Variants in TNIK observed in about 807,000 individuals in gnomAD.
TNIK encodes TRAF2 and NCK interacting kinase.
In TNIK, 49 loss-of-function variants were observed where a neutral mutation model predicts 191.3. The ratio of observed to expected loss-of-function variants is 0.26; its 90% CI spans 0.20 to 0.32. The LOEUF is 0.32. Among genes scored for constraint, TNIK ranks in the 10% least tolerant of loss-of-function variants. The pLI, the probability that TNIK is intolerant of heterozygous loss-of-function variation, is 1.00. For synonymous variants in TNIK, 594 were observed against 600.9 expected (o/e 0.99, Z 0.17); for missense variants, 1,155 against 1,702.3 (o/e 0.68, Z 5.66).
At chr3:171,260,631 G>A (rs557437131) in intron 2 of TNIK, among the ~76,000 whole-genome samples, 1 of 152,226 alleles carries the variant, frequency 6.6e-6, no homozygotes, top group Admixed American at 6.5e-5. Flanking sequence ...GAAAACAAGG[G>A]GTTTGAGCTC....
At chr3:171,130,871 A>G (rs1279387607) in intron 15 of TNIK, among the ~76,000 whole-genome samples, 1 of 152,226 alleles carries the variant, frequency 6.6e-6, no homozygotes, top group Non-Finnish European at 1.5e-5. Context: ...GCTCTAAAAT[A>G]CACTGATAGC....
At chr3:171,270,331 A>T (rs1748928120) in intron 2 of TNIK, among the ~76,000 whole-genome samples, 1 of 152,176 alleles carries the variant, frequency 6.6e-6, no homozygotes, top group South Asian at 2.1e-4. Context: ...ACCACTTAGG[A>T]AAAGGCTAGA....
intron 19 of TNIK, among the ~76,000 whole-genome samples, chr3:171,108,717 A>T (rs1293034157): frequency 6.6e-6 from 1 of 152,188 alleles, no homozygotes; most frequent in Admixed American, 6.5e-5. Flanking sequence ...GGGAAAAAAA[A>T]TTTATTTTAT....
Position 171,324,061 on chromosome 3 carries a change from C to T in TNIK, c.123+45559G>A, listed in dbSNP as rs74364175. Among the ~76,000 whole-genome samples the T allele has an allele frequency of 8.3e-3, 1,267 of 152,150 alleles. 23 individuals carry two copies. Among genetic ancestry groups the T allele is most frequent in the African/African-American group, 0.029 (1,207 of 41,498 alleles). On this transcript the variant is annotated intron_variant, in intron 2 of 32. Transcript: ENST00000436636. The stretch of plus-strand genomic sequence containing the variant: ...TAAAAAACAAAACGAAAACACCCTG[C>T]CCATGCTGCAATGTAATCCCAGTAG...
intron 18 of TNIK, among the ~76,000 whole-genome samples, chr3:171,112,139 G>A (rs1258990894): frequency 6.6e-6 from 1 of 152,148 alleles, no homozygotes; most frequent in Non-Finnish European, 1.5e-5. Flanking sequence ...ATTTCACAGT[G>A]TATACATATA....
At chr3:171,081,350 C>T (rs1720645760) in intron 27 of TNIK, among the ~76,000 whole-genome samples, 1 of 151,770 alleles carries the variant, frequency 6.6e-6, no homozygotes, top group Non-Finnish European at 1.5e-5. Context: ...ACCAGCATCC[C>T]TGTGTTGTCT....
chr3:171,264,351 CATATAT>C (rs1321971912), intron 2 of TNIK, among the ~76,000 whole-genome samples: 1 of 151,134 alleles, frequency 6.6e-6, no homozygotes. Context: ...CACACACACA[CATATAT>C]ATATATTTTA....
chr3:171,195,319 T>A (rs1738556150), intron 4 of TNIK, among the ~76,000 whole-genome samples: 1 of 152,212 alleles, frequency 6.6e-6, no homozygotes, highest in Non-Finnish European at 1.5e-5. Context: ...AAAAAAGCCA[T>A]CTATGTGCTT....
intron 2 of TNIK, among the ~76,000 whole-genome samples, chr3:171,337,445 T>C (rs1360339502): frequency 6.6e-6 from 1 of 152,150 alleles, no homozygotes; most frequent in Non-Finnish European, 1.5e-5. Flanking sequence ...GAAACAGTAA[T>C]ACTGGGCACT....
chr3:171,255,530 C>G (rs1746746999), intron 2 of TNIK, among the ~76,000 whole-genome samples: 1 of 152,192 alleles, frequency 6.6e-6, no homozygotes, highest in Admixed American at 6.5e-5. Context: ...AAGCATCTTG[C>G]AGAGGCAAAT....
At chr3:171,443,996 G>T (rs576801678) in intron 1 of TNIK, among the ~76,000 whole-genome samples, 1 of 151,944 alleles carries the variant, frequency 6.6e-6, no homozygotes. Context: ...TCTAACCATC[G>T]GTTTTTCCTT....
chr3:171,273,762 C>G (rs1442040344), intron 2 of TNIK, among the ~76,000 whole-genome samples: 1 of 152,046 alleles, frequency 6.6e-6, no homozygotes, highest in Non-Finnish European at 1.5e-5. Flanking sequence ...GTGAATAGAG[C>G]CTTAAGAAAG....
At chr3:171,308,520 G>C (rs1372197658) in intron 2 of TNIK, among the ~76,000 whole-genome samples, 4 of 152,098 alleles carry the variant, frequency 2.6e-5, no homozygotes, top group African/African-American at 4.8e-5. Context: ...TTATGACAAA[G>C]ATGCCAAAAG....
chr3:171,316,116 T>G (rs1416547750), intron 2 of TNIK, among the ~76,000 whole-genome samples: 1 of 152,092 alleles, frequency 6.6e-6, no homozygotes, highest in Non-Finnish European at 1.5e-5. Flanking sequence ...GTGGGTTTGG[T>G]GCTTATCACC....
chr3:171,204,016 G>A (rs562090787), intron 4 of TNIK, among the ~76,000 whole-genome samples: 1 of 152,302 alleles, frequency 6.6e-6, no homozygotes, highest in African/African-American at 2.4e-5. Flanking sequence ...AAATATGTGT[G>A]AGTTCACATT....
chr3:171,427,766 G>A (rs1046134787), intron 1 of TNIK, among the ~76,000 whole-genome samples: 3 of 152,194 alleles, frequency 2.0e-5, no homozygotes, highest in African/African-American at 7.2e-5. Flanking sequence ...TTACAGCCTA[G>A]TGGGCAGGGA....
intron 2 of TNIK, among the ~76,000 whole-genome samples, chr3:171,260,445 C>T (rs1269123638): frequency 6.6e-6 from 1 of 152,120 alleles, no homozygotes; most frequent in Admixed American, 6.5e-5. Flanking sequence ...CCTTCCCATC[C>T]CCACCTCCTC....
chr3:171,406,647 G>A (rs2108590796), intron 1 of TNIK, among the ~76,000 whole-genome samples: 2 of 152,294 alleles, frequency 1.3e-5, no homozygotes, highest in Middle Eastern at 6.8e-3. Context: ...TGCCCAGGCT[G>A]GACGTGAAGT....
intron 21 of TNIK, among the ~76,000 whole-genome samples, chr3:171,102,877 AAT>A (rs1467132641): frequency 6.6e-6 from 1 of 152,148 alleles, no homozygotes; most frequent in Admixed American, 6.6e-5. Flanking sequence ...TGTATAGTTA[AAT>A]TATAATTTTA....
Sources: allele counts gnomAD v4.1 joint callset (sites outside exome capture counted in the v4.1 genomes callset), GRCh38; gene constraint gnomAD v4.1.1; transcripts MANE v1.5; gene names NCBI Gene and HGNC (gene_info 2026-07-23, HGNC 2026-07-21).